Variants in NDUFAF6 observed in about 807,000 individuals in gnomAD.
The protein encoded by NDUFAF6 is NADH dehydrogenase (ubiquinone) complex I, assembly factor 6.
A neutral mutation model predicts 40.8 loss-of-function variants in NDUFAF6; 45 were observed. That is an observed-to-expected ratio of 1.10 (90% CI 0.87 to 1.42). NDUFAF6 has a LOEUF of 1.42. NDUFAF6 is among the 40% of genes most tolerant of loss of function. The probability of loss-of-function intolerance (pLI) is 0.00; values close to 1 mark genes in which losing one functional copy is unlikely to be tolerated. For synonymous variants in NDUFAF6, 185 were observed against 155.9 expected (o/e 1.19, Z -1.39); for missense variants, 435 against 418.5 (o/e 1.04, Z -0.34).
chr8:95,042,141 GAGGGCATAA>G (rs1830219067), intron 4 of NDUFAF6, among the ~76,000 whole-genome samples: 2 of 152,196 alleles, frequency 1.3e-5, no homozygotes, highest in South Asian at 4.2e-4. Context: ...CTAAATAGTA[GAGGGCATAA>G]AGAAAGTCTG....
chr8:94,916,817 A>C (rs1422851335), intron 1 of NDUFAF6, among the ~76,000 whole-genome samples: 1 of 18,536 alleles, frequency 5.4e-5, no homozygotes, highest in Admixed American at 5.1e-4. Flanking sequence ...ACTCCATATC[A>C]AAAAAAAAAA....
chr8:95,002,595 T>C (rs912044068), intron 2 of NDUFAF6, among the ~76,000 whole-genome samples: 3 of 152,186 alleles, frequency 2.0e-5, no homozygotes, highest in African/African-American at 7.2e-5. Flanking sequence ...TGTTTGAGGG[T>C]TCAGTAAAAT....
Position 95,045,229 on chromosome 8 carries a change from C to G in NDUFAF6, c.478-316C>G, listed in dbSNP as rs10090874. Among the ~76,000 whole-genome samples, 508 of 152,084 alleles carry G rather than the reference C, an allele frequency of 3.3e-3. 2 individuals carry two copies. The highest frequency in any genetic ancestry group is 0.011 in the African/African-American group (475 of 41,488). On this transcript the variant is annotated intron_variant, in intron 4 of 8. Coordinates refer to ENST00000396124, the MANE Select transcript of NDUFAF6 (RefSeq NM_152416.4). Reference sequence around the variant, plus strand: ...AATGTCTAAAGTGCCTACGTAATGTCTAAAGTGCCTATGTAAGAGCTCAGT... The same window carrying G: ...AATGTCTAAAGTGCCTACGTAATGTGTAAAGTGCCTATGTAAGAGCTCAGT...
intron 2 of NDUFAF6, among the ~76,000 whole-genome samples, chr8:94,981,253 G>T (rs1825419806): frequency 6.6e-6 from 1 of 152,140 alleles, no homozygotes; most frequent in Non-Finnish European, 1.5e-5. Flanking sequence ...TTTGCGTTTG[G>T]TCTCTTTTGC....
intron 9 of NDUFAF6, chr8:95,069,219 T>C (rs752902473): frequency 1.3e-5 from 2 of 151,974 alleles, no homozygotes; most frequent in African/African-American, 2.4e-5. Context: ...AGGTGGCTGT[T>C]CTCATGGAGC....
downstream of NDUFAF6, among the ~76,000 whole-genome samples, chr8:95,108,428 T>C (rs1809903833): frequency 6.6e-6 from 1 of 152,134 alleles, no homozygotes; most frequent in Non-Finnish European, 1.5e-5. Flanking sequence ...CTCAAAGACA[T>C]TGTACTAAGT....
chr8:94,924,355 C>T lies in NDUFAF6; in HGVS notation c.-935-21128C>T, dbSNP rs375029500. On this transcript the variant is annotated intron_variant, in intron 1 of 14. Coordinates refer to the NDUFAF6 transcript ENST00000396113. The stretch of plus-strand genomic sequence containing the variant: ...GATTACAGGCATGAGCCACCGCACC[C>T]GGCCCCTTCCTCAGTTTTTAAAAAA... Among the ~76,000 whole-genome samples, 8 of 152,272 alleles carry T rather than the reference C, an allele frequency of 5.3e-5. No homozygotes were observed. The South Asian group carries it at 8.3e-4, about 16-fold the overall frequency.
At chr8:95,059,804 G>A (rs534320099), downstream of NDUFAF6, among the ~76,000 whole-genome samples, 59 of 152,072 alleles carry the variant, frequency 3.9e-4, no homozygotes, top group African/African-American at 1.3e-3. Flanking sequence ...AGCTGAGATC[G>A]TGCCACTGCA....
intron 1 of NDUFAF6, among the ~76,000 whole-genome samples, chr8:94,910,025 T>C (rs899077405): frequency 1.3e-5 from 2 of 151,730 alleles, no homozygotes; most frequent in African/African-American, 4.8e-5. Flanking sequence ...ACTCATGTTC[T>C]CTCCTTCATT....
At chr8:94,997,659 T>C (rs1826517742) in intron 2 of NDUFAF6, among the ~76,000 whole-genome samples, 1 of 152,230 alleles carries the variant, frequency 6.6e-6, no homozygotes, top group Non-Finnish European at 1.5e-5. Context: ...TGTATATTAT[T>C]TTTCTCAATG....
chr8:95,007,912 C>CG (rs1554658657), intron 2 of NDUFAF6, among the ~76,000 whole-genome samples: 2 of 151,766 alleles, frequency 1.3e-5, no homozygotes, highest in Non-Finnish European at 2.9e-5. Context: ...TTTGTAGAGA[C>CG]GGGGTCTCAC....
At position 94,923,207 on chromosome 8, in the gene NDUFAF6, G is replaced by A. The variant is rs78749623; in HGVS notation, c.-935-22276G>A. 6.8e-3 allele frequency among the ~76,000 whole-genome samples: 1,043 copies of A among 152,310 alleles called. 15 individuals are homozygous for A. The highest frequency in any genetic ancestry group is 0.024 in the African/African-American group (985 of 41,564). On this transcript the variant is annotated intron_variant, in intron 1 of 14. Coordinates refer to the NDUFAF6 transcript ENST00000396113. ...ACCTGAATGTTTCTGATAGCATGAA[G>A]CAGGTAAGGTGTGAGAAAAAGTTAG...
At chr8:94,936,903 C>T (rs931908702) in intron 1 of NDUFAF6, among the ~76,000 whole-genome samples, 1 of 152,140 alleles carries the variant, frequency 6.6e-6, no homozygotes, top group Admixed American at 6.6e-5. Flanking sequence ...CAATGAGAAC[C>T]GTTCTGCCAG....
chr8:95,059,038 G>C (rs1457009856), downstream of NDUFAF6, among the ~76,000 whole-genome samples: 1 of 151,982 alleles, frequency 6.6e-6, no homozygotes, highest in Non-Finnish European at 1.5e-5. Flanking sequence ...CTGTCTCAAA[G>C]ACAAACGAAT....
At chr8:94,915,524 TGAACATGC>T (rs896551953) in intron 1 of NDUFAF6, among the ~76,000 whole-genome samples, 1 of 152,266 alleles carries the variant, frequency 6.6e-6, no homozygotes, top group Non-Finnish European at 1.5e-5. Context: ...AGTGCTGTGA[TGAACATGC>T]GAGTGCAGGT....
intron 7 of NDUFAF6, among the ~76,000 whole-genome samples, chr8:95,049,149 G>A (rs185963760): frequency 2.6e-5 from 4 of 152,294 alleles, no homozygotes; most frequent in South Asian, 2.1e-4. Context: ...AAACAATCAC[G>A]AGTTTGGCAG....
intron 1 of NDUFAF6, among the ~76,000 whole-genome samples, chr8:94,919,206 G>T (rs1156462327): frequency 6.6e-6 from 1 of 151,742 alleles, no homozygotes; most frequent in Non-Finnish European, 1.5e-5. Flanking sequence ...TTTTTAGATA[G>T]AGTCTTGCTC....
At chr8:94,903,807 G>C (rs936791047) in intron 1 of NDUFAF6, among the ~76,000 whole-genome samples, 28 of 152,138 alleles carry the variant, frequency 1.8e-4, no homozygotes, top group African/African-American at 6.5e-4. Context: ...CGCTGTTTCT[G>C]AACTATTTAC....
intron 2 of NDUFAF6, among the ~76,000 whole-genome samples, chr8:95,006,429 A>G (rs1826989709): frequency 6.6e-6 from 1 of 152,074 alleles, no homozygotes; most frequent in African/African-American, 2.4e-5. Context: ...TCTTTCAAAG[A>G]ATCTCTATGT....
Sources: gnomAD v4.1 joint callset for allele counts (sites outside exome capture counted in the v4.1 genomes callset) on GRCh38, gnomAD v4.1.1 for gene constraint, MANE v1.5 for transcripts, NCBI Gene and HGNC (gene_info 2026-07-23, HGNC 2026-07-21) for gene names.